The following ATRNL1 variants were observed in gnomAD, a reference collection of about 807,000 sequenced individuals.
The protein encoded by ATRNL1 is attractin like 1, also known as attractin-like protein 1.
ATRNL1 carries 95 observed loss-of-function variants against 182.7 expected under a neutral mutation model. The ratio of observed to expected loss-of-function variants is 0.52; its 90% CI spans 0.44 to 0.62. The LOEUF is 0.62. Ranked by LOEUF, ATRNL1 falls within the 20% of genes least tolerant of loss-of-function variation. ATRNL1 has a pLI of 0.00. For synonymous variants in ATRNL1, 576 were observed against 568.3 expected (o/e 1.01, Z -0.19); for missense variants, 1,471 against 1,679.5 (o/e 0.88, Z 2.17).
intron 28 of ATRNL1, among the ~76,000 whole-genome samples, chr10:115,934,228 A>G (rs1246335657): frequency 3.3e-5 from 5 of 152,174 alleles, no homozygotes; most frequent in African/African-American, 9.7e-5. Flanking sequence ...CCAATCAGGA[A>G]CACTTTACAT....
chr10:115,159,650 A>G (rs975484348), intron 5 of ATRNL1, among the ~76,000 whole-genome samples: 1 of 151,694 alleles, frequency 6.6e-6, no homozygotes, highest in Admixed American at 6.6e-5. Context: ...GTAGATTATT[A>G]TATCCATTTG....
At chr10:115,750,328 A>G (rs1555070352) in intron 27 of ATRNL1, among the ~76,000 whole-genome samples, 1 of 151,932 alleles carries the variant, frequency 6.6e-6, no homozygotes, top group East Asian at 1.9e-4. Context: ...GATCAAATAA[A>G]GTATGGAAAT....
At chr10:115,326,023 C>T (rs1176438517) in intron 18 of ATRNL1, among the ~76,000 whole-genome samples, 1 of 151,698 alleles carries the variant, frequency 6.6e-6, no homozygotes, top group Admixed American at 6.6e-5. Flanking sequence ...TTTGTTTTTA[C>T]CTGAGTGAAT....
intron 28 of ATRNL1, among the ~76,000 whole-genome samples, chr10:115,926,508 C>T (rs1411964271): frequency 2.6e-5 from 4 of 151,654 alleles, no homozygotes; most frequent in Non-Finnish European, 5.9e-5. Flanking sequence ...AATAGATAGA[C>T]CATAACTAAA....
At chr10:115,739,828 A>G (rs556638111) in intron 27 of ATRNL1, among the ~76,000 whole-genome samples, 27 of 152,282 alleles carry the variant, frequency 1.8e-4, no homozygotes, top group Middle Eastern at 6.8e-3. Flanking sequence ...GTTATTGCCT[A>G]TGACAGTTAC....
intron 8 of ATRNL1, among the ~76,000 whole-genome samples, chr10:115,205,941 T>C (rs1848778513): frequency 6.6e-6 from 1 of 152,102 alleles, no homozygotes; most frequent in Non-Finnish European, 1.5e-5. Flanking sequence ...TCATTCCAAG[T>C]TGCCTTCTGC....
At chr10:115,527,931 CTTCCTT>C (rs1554987057) in intron 25 of ATRNL1, among the ~76,000 whole-genome samples, 8 of 114,220 alleles carry the variant, frequency 7.0e-5, no homozygotes, top group Non-Finnish European at 1.3e-4. Flanking sequence ...TTCCTCCCTC[CTTCCTT>C]CTCCTTCCTT....
At chr10:115,834,124 C>G (rs1415247804) in intron 27 of ATRNL1, among the ~76,000 whole-genome samples, 2 of 152,172 alleles carry the variant, frequency 1.3e-5, no homozygotes, top group African/African-American at 4.8e-5. Flanking sequence ...AGCCAGTTGT[C>G]TATCATATCC....
intron 26 of ATRNL1, among the ~76,000 whole-genome samples, chr10:115,553,703 A>G (rs1415098004): frequency 4.6e-5 from 7 of 151,360 alleles, no homozygotes; most frequent in African/African-American, 1.7e-4. Flanking sequence ...TTTGAGTAAC[A>G]AACTGGTTTT....
intron 5 of ATRNL1, among the ~76,000 whole-genome samples, chr10:115,146,802 C>CTT (rs35914807): frequency 0.22 from 31,316 of 145,622 alleles, 4,256 homozygotes; most frequent in Non-Finnish European, 0.31. Context: ...TGATTTCATT[C>CTT]TTTTTTTTTT....
chr10:115,527,116 CT>C (rs35691625), intron 25 of ATRNL1, among the ~76,000 whole-genome samples: 24,412 of 118,560 alleles, frequency 0.21, 2,415 homozygotes, highest in South Asian at 0.28. Flanking sequence ...CAGAGAGGCA[CT>C]TTTTTTTTTT....
At chr10:115,681,073 A>T (rs1408650216) in intron 26 of ATRNL1, among the ~76,000 whole-genome samples, 1 of 152,154 alleles carries the variant, frequency 6.6e-6, no homozygotes, top group Non-Finnish European at 1.5e-5. Context: ...CAAAATTTAC[A>T]TTACGTACCT....
intron 27 of ATRNL1, chr10:115,820,343 G>A (rs1950262822): frequency 6.6e-6 from 1 of 152,066 alleles, no homozygotes. Context: ...CCCTAGTTGT[G>A]CGTATCTCCA....
intron 8 of ATRNL1, among the ~76,000 whole-genome samples, chr10:115,203,917 A>AT (rs1391959338): frequency 4.0e-5 from 6 of 151,676 alleles, no homozygotes; most frequent in African/African-American, 1.5e-4. Context: ...CAACTTTAAA[A>AT]TTTATCTTAT....
chr10:115,251,022 T>G (rs1376016513), intron 10 of ATRNL1, among the ~76,000 whole-genome samples: 2 of 152,206 alleles, frequency 1.3e-5, no homozygotes, highest in Non-Finnish European at 2.9e-5. Context: ...TTTTTGATCC[T>G]CTTTTTTGAT....
At chr10:115,502,329 A>C (rs1375733712) in intron 24 of ATRNL1, among the ~76,000 whole-genome samples, 1 of 152,114 alleles carries the variant, frequency 6.6e-6, no homozygotes, top group Non-Finnish European at 1.5e-5. Context: ...AGGTTAGAAA[A>C]AGACATAATT....
At chr10:115,727,416 C>G (rs1310893780) in intron 27 of ATRNL1, 61 bp downstream of exon 27, 10 of 1,259,994 alleles carry the variant, frequency 7.9e-6, no homozygotes, top group African/African-American at 7.4e-5. Context: ...TATTGCTTCT[C>G]TAATCTACAT....
At chr10:115,754,306 G>T (rs1158084900) in intron 27 of ATRNL1, among the ~76,000 whole-genome samples, 2 of 152,164 alleles carry the variant, frequency 1.3e-5, no homozygotes, top group Non-Finnish European at 2.9e-5. Flanking sequence ...GTGGTTTTAG[G>T]TCTAACATTT....
At chr10:115,424,185 A>G (rs907709589) in intron 20 of ATRNL1, among the ~76,000 whole-genome samples, 1 of 152,172 alleles carries the variant, frequency 6.6e-6, no homozygotes, top group Non-Finnish European at 1.5e-5. Flanking sequence ...AAGAAACTCA[A>G]CGTCACTCAT....
Sources: gnomAD v4.1 joint callset for allele counts (sites outside exome capture counted in the v4.1 genomes callset) on GRCh38, gnomAD v4.1.1 for gene constraint, MANE v1.5 for transcripts, NCBI Gene and HGNC (gene_info 2026-07-23, HGNC 2026-07-21) for gene names.